The following RIMS1 variants were observed in gnomAD, a reference collection of about 807,000 sequenced individuals.
RIMS1 encodes regulating synaptic membrane exocytosis protein 1.
In RIMS1, 83 loss-of-function variants were observed where a neutral mutation model predicts 214.1. The observed-to-expected ratio is 0.39, with a 90% confidence interval of 0.32 to 0.47. The LOEUF (loss-of-function observed/expected upper bound fraction) is 0.47, where lower values mean the gene tolerates loss of function less well. RIMS1 is among the 20% of genes least tolerant of loss of function. The pLI is 0.99. For synonymous variants in RIMS1, 793 were observed against 786.8 expected (o/e 1.01, Z -0.13); for missense variants, 2,050 against 2,161.8 (o/e 0.95, Z 1.03).
chr6:72,027,766 G>A (rs1378168549), intron 2 of RIMS1, among the ~76,000 whole-genome samples: 1 of 151,706 alleles, frequency 6.6e-6, no homozygotes, highest in Non-Finnish European at 1.5e-5. Context: ...AATTTTTATG[G>A]GTTTTTTTAA....
intron 4 of RIMS1, 34 bp downstream of exon 4, chr6:72,100,020 T>C: frequency 6.4e-7 from 1 of 1,558,844 alleles, no homozygotes; most frequent in Non-Finnish European, 8.8e-7. Flanking sequence ...TATCATTTGT[T>C]ATTGTATTGT....
At chr6:72,354,219 C>CAATA (rs942687189) in intron 29 of RIMS1, among the ~76,000 whole-genome samples, 3 of 151,724 alleles carry the variant, frequency 2.0e-5, no homozygotes, top group Non-Finnish European at 4.4e-5. Context: ...GACTCCGTCT[C>CAATA]AATAAATAAA....
At chr6:72,283,945 G>GTAATA in intron 23 of RIMS1, 102 bp from the exon 24 acceptor site, 1 of 822,752 alleles carries the variant, frequency 1.2e-6, no homozygotes, top group Non-Finnish European at 2.0e-6. Context: ...AATCATTTAG[G>GTAATA]TAATATAGTT....
At chr6:71,938,281 G>A (rs1266212481) in intron 1 of RIMS1, among the ~76,000 whole-genome samples, 1 of 152,164 alleles carries the variant, frequency 6.6e-6, no homozygotes, top group African/African-American at 2.4e-5. Flanking sequence ...TGGATGTACT[G>A]TTCTAGGGTC....
At chr6:71,901,855 G>T (rs752037567) in intron 1 of RIMS1, among the ~76,000 whole-genome samples, 1 of 152,060 alleles carries the variant, frequency 6.6e-6, no homozygotes, top group Non-Finnish European at 1.5e-5. Flanking sequence ...ATTGTATTCG[G>T]TAACAAGGAG....
chr6:72,157,204 A>C lies in RIMS1; in HGVS notation c.472-22371A>C, dbSNP rs1025105800. On this transcript the variant is annotated intron_variant, in intron 4 of 33. Transcript: ENST00000521978. ...AAAACCTTTTCGGGATTTATGTGTC[A>C]GGCATGTGGGGAACAGACTGCATCA... Among the ~76,000 whole-genome samples the C allele has an allele frequency of 1.4e-5, 2 of 140,848 alleles. 1 individual carries two copies. The highest frequency in any genetic ancestry group is 4.0e-4 in the East Asian group (2 of 5,020). 92.4% of individuals were successfully genotyped at this position (140,848 alleles called of 152,430 possible).
chr6:72,097,979 A>G (rs577217692), intron 3 of RIMS1, among the ~76,000 whole-genome samples: 2 of 152,188 alleles, frequency 1.3e-5, no homozygotes, highest in Non-Finnish European at 2.9e-5. Flanking sequence ...AAATCTTGAT[A>G]GATTTCCTTG....
chr6:71,959,781 G>T (rs1583515508), intron 1 of RIMS1, among the ~76,000 whole-genome samples: 1 of 151,914 alleles, frequency 6.6e-6, no homozygotes, highest in African/African-American at 2.4e-5. Flanking sequence ...TAATTTATTT[G>T]CTCAACACAA....
chr6:71,985,532 A>G (rs1380964307), intron 2 of RIMS1, among the ~76,000 whole-genome samples: 1 of 152,178 alleles, frequency 6.6e-6, no homozygotes, highest in Non-Finnish European at 1.5e-5. Context: ...TTCATGATGG[A>G]AATACTGCAC....
chr6:72,011,619 A>C (rs1239393442), intron 2 of RIMS1, among the ~76,000 whole-genome samples: 3 of 152,240 alleles, frequency 2.0e-5, no homozygotes, highest in East Asian at 3.8e-4. Flanking sequence ...AAAAGAACTC[A>C]AACAAATTTA....
chr6:72,083,754 C>A (rs1331880726), intron 2 of RIMS1, among the ~76,000 whole-genome samples: 1 of 152,132 alleles, frequency 6.6e-6, no homozygotes, highest in Non-Finnish European at 1.5e-5. Flanking sequence ...TCTCAATTAA[C>A]CCTCCCAATA....
chr6:72,180,200 T>C (rs1289728174), intron 5 of RIMS1, among the ~76,000 whole-genome samples: 1 of 152,198 alleles, frequency 6.6e-6, no homozygotes, highest in African/African-American at 2.4e-5. Flanking sequence ...AGCTCTTAGA[T>C]CATGTTTCAC....
At chr6:71,992,456 C>G (rs1214331044) in intron 2 of RIMS1, among the ~76,000 whole-genome samples, 1 of 116,292 alleles carries the variant, frequency 8.6e-6, no homozygotes, top group African/African-American at 2.8e-5. Context: ...CTTTCTCTTT[C>G]TCTTTCTTTC....
intron 23 of RIMS1, among the ~76,000 whole-genome samples, chr6:72,281,564 T>C (rs2090116934): frequency 6.6e-6 from 1 of 150,780 alleles, no homozygotes; most frequent in African/African-American, 2.4e-5. Context: ...AGAAGTTTTA[T>C]TCAAGGGTCC....
chr6:72,307,233 A>G (rs770435708), intron 26 of RIMS1, 25 bp from the exon 27 acceptor site: 15 of 1,465,404 alleles, frequency 1.0e-5, no homozygotes, highest in Middle Eastern at 1.7e-4. Context: ...ATGTTTTAAT[A>G]GGCTTCCATT....
At chr6:72,034,460 A>C (rs1435217803) in intron 2 of RIMS1, among the ~76,000 whole-genome samples, 1 of 152,120 alleles carries the variant, frequency 6.6e-6, no homozygotes, top group Non-Finnish European at 1.5e-5. Flanking sequence ...AGTATTTCTC[A>C]GACTGGGAAA....
At chr6:72,300,340 C>T (rs930529881) in intron 26 of RIMS1, among the ~76,000 whole-genome samples, 2 of 151,760 alleles carry the variant, frequency 1.3e-5, no homozygotes, top group African/African-American at 4.8e-5. Context: ...CATGGACAGG[C>T]TCTTTGATGT....
At position 72,011,359 on chromosome 6, in the gene RIMS1, C is replaced by A. The variant is rs546932942; in HGVS notation, c.245+42296C>A. On this transcript the variant is annotated intron_variant, in intron 2 of 33. Coordinates refer to ENST00000521978, the MANE Select transcript of RIMS1 (RefSeq NM_014989.7). ...TAGATTAAAGACTTAAATGTTGGAC[C>A]TAAAACCATAAAAACTCGAGAAGAA... Among the ~76,000 whole-genome samples the A allele has an allele frequency of 2.6e-5, 4 of 152,138 alleles. No homozygotes were observed. The South Asian group carries it at 8.3e-4, about 32-fold the overall frequency.
chr6:71,952,536 A>T (rs965913113), intron 1 of RIMS1, among the ~76,000 whole-genome samples: 4 of 152,206 alleles, frequency 2.6e-5, no homozygotes, highest in Non-Finnish European at 5.9e-5. Flanking sequence ...TAAGTAGCTG[A>T]TGGAGGAAGG....
Sources: allele counts gnomAD v4.1 joint callset (sites outside exome capture counted in the v4.1 genomes callset), GRCh38; gene constraint gnomAD v4.1.1; transcripts MANE v1.5; gene names NCBI Gene and HGNC (gene_info 2026-07-23, HGNC 2026-07-21).